BBS12: variants seen among roughly 807,000 people sequenced by gnomAD.
The protein encoded by BBS12 is Bardet-Biedl syndrome 12.
A neutral mutation model predicts 5.6 loss-of-function variants in BBS12; 5 were observed. That is an observed-to-expected ratio of 0.89 (90% CI 0.46 to 1.86). The LOEUF (loss-of-function observed/expected upper bound fraction) is 1.86, where lower values mean the gene tolerates loss of function less well. Among genes scored for constraint, BBS12 ranks in the 40% most tolerant of loss-of-function variants. BBS12 has a pLI of 0.01. For synonymous variants in BBS12, 308 were observed against 306.8 expected, an observed-to-expected ratio of 1.00 and a Z score of -0.04; for missense variants, 748 against 830.4, an observed-to-expected ratio of 0.90 and a Z score of 1.22.
chr4:122,702,117 A>G, the BBS12 span, among the ~76,000 whole-genome samples: 1 of 152,320 alleles, frequency 6.6e-6, no homozygotes, highest in Non-Finnish European at 1.5e-5. Flanking sequence ...TTGCTCTGTC[A>G]CCCAGGCTAG....
chr4:122,724,507 TAC>T, the BBS12 span, among the ~76,000 whole-genome samples: 1 of 152,214 alleles, frequency 6.6e-6, no homozygotes, highest in Non-Finnish European at 1.5e-5. Context: ...ACATATAAGA[TAC>T]AGTCTCAGAC....
In BBS12 at chr4:122,743,776, C is replaced by T. The variant is rs1463043869; in HGVS notation, c.1884C>T (p.Asp628=). 1.2e-6 allele frequency: 2 copies of T among 1,613,994 alleles called. No homozygotes were observed. The highest frequency in any genetic ancestry group is 3.3e-5 in the Admixed American group (2 of 59,998). Residue 628 remains aspartate (D), a synonymous_variant, in exon 2 of 2, where the codon GAC becomes GAT. Transcript: ENST00000314218. ...AACATCATCTGCAAAATGCCACAGA[C>T]TCTGGCTCTCCTTCATCTTACATCT... is the stretch of plus-strand genomic sequence containing the variant. The part of the protein sequence containing the change: ...YIQHHLQNAT[D]SGSPSSYILN...
the BBS12 span, among the ~76,000 whole-genome samples, chr4:122,706,551 C>T: frequency 2.0e-5 from 3 of 152,066 alleles, no homozygotes; most frequent in African/African-American, 7.2e-5. Flanking sequence ...GCCTGAGTAA[C>T]ATGGCAAGAC....
the BBS12 span, among the ~76,000 whole-genome samples, chr4:122,705,648 C>G: frequency 2.0e-5 from 3 of 152,044 alleles, no homozygotes; most frequent in Non-Finnish European, 4.4e-5. Context: ...CCTGGCATAG[C>G]CTAAGAAGAA....
At chr4:122,736,710 G>T (rs1800788725) in intron 1 of BBS12, among the ~76,000 whole-genome samples, 1 of 152,148 alleles carries the variant, frequency 6.6e-6, no homozygotes, top group African/African-American at 2.4e-5. Flanking sequence ...AAGAAGAGTT[G>T]CCAGAAGTAC....
the BBS12 span, among the ~76,000 whole-genome samples, chr4:122,722,026 T>C: frequency 6.6e-6 from 1 of 151,890 alleles, no homozygotes; most frequent in Non-Finnish European, 1.5e-5. Flanking sequence ...AAAAATGATA[T>C]TTTCCTACAT....
At chr4:122,710,389 C>A in the BBS12 span, among the ~76,000 whole-genome samples, 2 of 152,216 alleles carry the variant, frequency 1.3e-5, no homozygotes, top group Admixed American at 6.5e-5. Flanking sequence ...TTGACTCCTA[C>A]TCAGGAAACT....
At chr4:122,715,981 A>T in the BBS12 span, among the ~76,000 whole-genome samples, 1 of 152,210 alleles carries the variant, frequency 6.6e-6, no homozygotes, top group African/African-American at 2.4e-5. Flanking sequence ...AACGGGTATA[A>T]TTGGGGTTAG....
the BBS12 span, among the ~76,000 whole-genome samples, chr4:122,716,198 T>A: frequency 6.6e-6 from 1 of 152,226 alleles, no homozygotes; most frequent in Non-Finnish European, 1.5e-5. Flanking sequence ...TTGGATTTAT[T>A]GTTCAAATCC....
chr4:122,716,088 C>A, the BBS12 span, among the ~76,000 whole-genome samples: 24 of 152,150 alleles, frequency 1.6e-4, no homozygotes, highest in Non-Finnish European at 2.4e-4. Context: ...TACAGTGTAA[C>A]AACACCCTCA....
At chr4:122,716,691 GTATGTGTGTGTATACATACACA>G in the BBS12 span, among the ~76,000 whole-genome samples, 1 of 76,294 alleles carries the variant, frequency 1.3e-5, no homozygotes, top group African/African-American at 5.4e-5. Context: ...ACACATATGT[GTATGTGTGTGTATACATACACA>G]TATGTGTGTA....
chr4:122,744,315 T>A lies in BBS12; in HGVS notation c.*290T>A. ...TAGCCAGAGCTTCATGTTGGTTTTA[T>A]TCAGTTCCTCATTTTTCTAGTTCCC... On this transcript the variant is annotated 3_prime_UTR_variant, in exon 2 of 2. Coordinates refer to ENST00000314218, the MANE Select transcript of BBS12 (RefSeq NM_152618.3). 2.9e-6 allele frequency: 1 copy of A among 347,310 alleles called. No individual in the cohort carries two copies. The highest frequency in any genetic ancestry group is 5.6e-6 in the Non-Finnish European group (1 of 180,072). The allele number at this position is 347,310 out of a possible 1,614,324, so 21.5% of individuals were successfully genotyped here.
the BBS12 span, among the ~76,000 whole-genome samples, chr4:122,712,174 G>A: frequency 6.6e-6 from 1 of 152,214 alleles, no homozygotes; most frequent in African/African-American, 2.4e-5. Flanking sequence ...TCTCCAGCTT[G>A]CAGATGGCCT....
upstream of BBS12, chr4:122,731,028 G>C (rs1800690136): frequency 6.6e-6 from 1 of 151,848 alleles, no homozygotes; most frequent in Admixed American, 6.6e-5. Flanking sequence ...TAGATCTTTG[G>C]GGTCTAAAGC....
chr4:122,717,496 CA>C, the BBS12 span, among the ~76,000 whole-genome samples: 2 of 151,900 alleles, frequency 1.3e-5, no homozygotes, highest in African/African-American at 4.8e-5. Flanking sequence ...CAAACAACCA[CA>C]AAAAAAATCA....
In BBS12 at chr4:122,739,387, T is replaced by G. The variant is rs74647545; in HGVS notation, c.-10-2496T>G. On this transcript the variant is annotated intron_variant, in intron 1 of 1. Coordinates refer to ENST00000314218, the MANE Select transcript of BBS12 (RefSeq NM_152618.3). ...AAAGTTAAAGATATTTGCTCCTCCT[T>G]TTCATGCCTGTGGCTGGATGTCCCA... Among the ~76,000 whole-genome samples the G allele has an allele frequency of 1.7e-3, 256 of 152,308 alleles. 2 individuals carry two copies. Among genetic ancestry groups the G allele is most frequent in the African/African-American group, 5.9e-3 (244 of 41,554 alleles).
rs1244254848 is a variant in BBS12 at position 122,743,693 on chromosome 4, ACT to A, written c.1805_1806del (p.Leu602ProfsTer3). On this transcript the variant is annotated frameshift_variant, in exon 2 of 2. Transcript: ENST00000314218. LOFTEE classifies it low-confidence loss of function (END_TRUNC). ...LANGWQKYLS[T>X]LLYNTANYSS... ...AAATGGATGGCAGAAATACCTTTCA[ACT>A]CTCCTATATAACACTGCCAATTACT... is the stretch of plus-strand genomic sequence containing the variant. The A allele has an allele frequency of 6.2e-7, 1 of 1,614,122 alleles. No homozygotes were observed. Among genetic ancestry groups the A allele is most frequent in the Non-Finnish European group, 8.5e-7 (1 of 1,180,028 alleles).
chr4:122,730,331 A>G (rs1394599594), upstream of BBS12: 1 of 152,232 alleles, frequency 6.6e-6, no homozygotes, highest in East Asian at 1.9e-4. Context: ...TCTTGGATTA[A>G]TGGCTCAAAG....
chr4:122,709,523 C>G, the BBS12 span, among the ~76,000 whole-genome samples: 1 of 152,072 alleles, frequency 6.6e-6, no homozygotes, highest in African/African-American at 2.4e-5. Context: ...GACATGGATT[C>G]TAATAGGTTA....
Sources: allele counts gnomAD v4.1 joint callset (sites outside exome capture counted in the v4.1 genomes callset), GRCh38; gene constraint gnomAD v4.1.1; transcripts MANE v1.5; gene names NCBI Gene and HGNC (gene_info 2026-07-23, HGNC 2026-07-21).